DGKB: variants seen among roughly 807,000 people sequenced by gnomAD.
DGKB encodes diacylglycerol kinase beta, also known as 90 kDa diacylglycerol kinase.
In DGKB, 67 loss-of-function variants were observed where a neutral mutation model predicts 114.3. That is an observed-to-expected ratio of 0.59 (90% CI 0.48 to 0.72). DGKB has a LOEUF of 0.72. DGKB is among the 30% of genes least tolerant of loss of function. The probability of loss-of-function intolerance (pLI) is 0.00; values close to 1 mark genes in which losing one functional copy is unlikely to be tolerated. For synonymous variants in DGKB, 398 were observed against 323.1 expected (o/e 1.23, Z -2.49); for missense variants, 907 against 975.2 (o/e 0.93, Z 0.93).
chr7:14,936,243 G>T (rs953906274), intron 1 of DGKB, among the ~76,000 whole-genome samples: 3 of 152,138 alleles, frequency 2.0e-5, no homozygotes, highest in Non-Finnish European at 4.4e-5. Flanking sequence ...TGTAAAAATA[G>T]ACTAAATTGG....
intron 6 of DGKB, among the ~76,000 whole-genome samples, chr7:14,702,584 G>C (rs1255258521): frequency 1.3e-5 from 2 of 152,128 alleles, no homozygotes; most frequent in African/African-American, 4.8e-5. Context: ...GGCTGTGGAG[G>C]AGGCCACAGG....
intron 20 of DGKB, among the ~76,000 whole-genome samples, chr7:14,564,512 G>A (rs1210394168): frequency 6.6e-6 from 1 of 152,170 alleles, no homozygotes; most frequent in Non-Finnish European, 1.5e-5. Flanking sequence ...GATTTCTGAA[G>A]CTATATGTTT....
rs1056709241 is a variant in DGKB, at chr7:14,941,736, A to C, written c.-188+32960T>G. ...CTAATCATACAATAAGATTACACAA[A>C]ATTTTTTAATGGTACTAGATTTCAG... On this transcript the variant is annotated intron_variant, in intron 1 of 4. Coordinates refer to the DGKB transcript ENST00000437998. Among the ~76,000 whole-genome samples, 7 of 152,030 alleles carry C rather than the reference A, an allele frequency of 4.6e-5. No homozygotes were observed. In the East Asian group the frequency reaches 1.2e-3, roughly 25 times the overall value.
intron 23 of DGKB, among the ~76,000 whole-genome samples, chr7:14,318,419 T>C (rs542184306): frequency 2.0e-5 from 3 of 152,036 alleles, no homozygotes; most frequent in Admixed American, 2.0e-4. Context: ...GAATTTACAA[T>C]GAACTCAAAC....
chr7:14,244,617 C>G (rs187522622), intron 23 of DGKB, among the ~76,000 whole-genome samples: 25 of 141,612 alleles, frequency 1.8e-4, no homozygotes, highest in African/African-American at 6.4e-4. Context: ...TTGCAGTGAG[C>G]TGAGATCACG....
At chr7:14,237,173 G>A (rs568395874) in intron 23 of DGKB, among the ~76,000 whole-genome samples, 82 of 151,942 alleles carry the variant, frequency 5.4e-4, no homozygotes, top group African/African-American at 1.9e-3. Context: ...CTACTACTTT[G>A]TTTAAAATAT....
At chr7:14,560,903 A>G (rs900668251) in intron 20 of DGKB, among the ~76,000 whole-genome samples, 2 of 152,150 alleles carry the variant, frequency 1.3e-5, no homozygotes, top group Non-Finnish European at 2.9e-5. Flanking sequence ...GTATGAGATG[A>G]TATCTCGTTG....
At chr7:14,906,164 C>T (rs1783695322), upstream of DGKB, among the ~76,000 whole-genome samples, 1 of 151,918 alleles carries the variant, frequency 6.6e-6, no homozygotes, top group African/African-American at 2.4e-5. Context: ...CTCTACTCCC[C>T]TTTTGACTTC....
rs1491136250 is a variant in DGKB at position 14,567,222 on chromosome 7, TAA to T, written c.1770+6988_1770+6989del. Among the ~76,000 whole-genome samples the T allele has an allele frequency of 5.5e-3, 381 of 69,414 alleles. 32 individuals carry two copies. Among genetic ancestry groups the T allele is most frequent in the African/African-American group, 0.023 (342 of 14,918 alleles). 45.5% of individuals were successfully genotyped at this position (69,414 alleles called of 152,430 possible). The stretch of plus-strand genomic sequence containing the variant: ...ATTATATATATTATATATTTATATA[TAA>T]TATATATAATTATATTATATATATT... On this transcript the variant is annotated intron_variant, in intron 20 of 25. Coordinates refer to ENST00000402815, the MANE Select transcript of DGKB (RefSeq NM_001350709.2).
chr7:14,953,298 A>T (rs1786311368), intron 1 of DGKB, among the ~76,000 whole-genome samples: 1 of 152,172 alleles, frequency 6.6e-6, no homozygotes, highest in African/African-American at 2.4e-5. Flanking sequence ...GTATTTGTAA[A>T]TTATTTACCT....
intron 5 of DGKB, among the ~76,000 whole-genome samples, chr7:14,720,104 G>A (rs574980297): frequency 1.9e-4 from 26 of 138,776 alleles, no homozygotes; most frequent in African/African-American, 4.2e-4. Flanking sequence ...ACGCACGCAC[G>A]CACACACACG....
At chr7:14,173,918 A>G (rs1781364991) in intron 25 of DGKB, among the ~76,000 whole-genome samples, 1 of 152,220 alleles carries the variant, frequency 6.6e-6, no homozygotes, top group South Asian at 2.1e-4. Context: ...ATTTTTATTA[A>G]TTTAACAATT....
chr7:14,429,454 GT>G (rs1828087657), intron 21 of DGKB, among the ~76,000 whole-genome samples: 1 of 152,124 alleles, frequency 6.6e-6, no homozygotes, highest in Non-Finnish European at 1.5e-5. Flanking sequence ...AGTAATAAAT[GT>G]TTGTTGTTTA....
chr7:14,649,479 A>G, intron 13 of DGKB, among the ~76,000 whole-genome samples: 1 of 151,828 alleles, frequency 6.6e-6, no homozygotes, highest in Non-Finnish European at 1.5e-5. Flanking sequence ...CTGCCTTACA[A>G]GAGCTCCTGA....
intron 21 of DGKB, among the ~76,000 whole-genome samples, chr7:14,436,986 T>A (rs1363463020): frequency 1.3e-5 from 2 of 152,112 alleles, no homozygotes; most frequent in Non-Finnish European, 2.9e-5. Flanking sequence ...TCACCTTTCT[T>A]AATGAACATA....
chr7:14,654,282 T>A (rs1815308154), intron 13 of DGKB, among the ~76,000 whole-genome samples: 1 of 152,036 alleles, frequency 6.6e-6, no homozygotes, highest in African/African-American at 2.4e-5. Flanking sequence ...GAAATCCCAT[T>A]TATAATAGCT....
At chr7:14,846,352 T>G (rs1848627495) in intron 1 of DGKB, among the ~76,000 whole-genome samples, 1 of 152,196 alleles carries the variant, frequency 6.6e-6, no homozygotes, top group Admixed American at 6.5e-5. Context: ...TGTAGCTAAA[T>G]AGTAAAAATA....
At position 14,274,540 on chromosome 7, in the gene DGKB, G is replaced by A. The variant is rs62443666; in HGVS notation, c.2122+63975C>T. The stretch of plus-strand genomic sequence containing the variant: ...GACTTATAGTTTCTCACTCTGTATT[G>A]TTTCTAACTTTATGTGTGTCTTAGT... On this transcript the variant is annotated intron_variant, in intron 23 of 25. Coordinates refer to ENST00000402815, the MANE Select transcript of DGKB (RefSeq NM_001350709.2). Among the ~76,000 whole-genome samples the A allele has an allele frequency of 0.011, 1,728 of 152,042 alleles. 59 individuals carry two copies. The East Asian group carries it at 0.13, about 11-fold the overall frequency.
chr7:14,402,933 A>G (rs530375757), intron 21 of DGKB, among the ~76,000 whole-genome samples: 2 of 152,050 alleles, frequency 1.3e-5, no homozygotes, highest in Admixed American at 6.6e-5. Flanking sequence ...TGCAACATCA[A>G]TTCTTAGAGG....
Sources: allele counts gnomAD v4.1 joint callset (sites outside exome capture counted in the v4.1 genomes callset), GRCh38; gene constraint gnomAD v4.1.1; transcripts MANE v1.5; gene names NCBI Gene and HGNC (gene_info 2026-07-23, HGNC 2026-07-21).